NYAP2: variants seen among roughly 807,000 people sequenced by gnomAD.
NYAP2 encodes neuronal tyrosine-phosphorylated phosphoinositide-3-kinase adaptor 2, also known as neuronal tyrosine-phosphorylated phosphoinositide-3-kinase adapter 2.
Under a neutral mutation model 50.4 loss-of-function variants are expected in NYAP2, and 23 were observed. The ratio of observed to expected loss-of-function variants is 0.46; its 90% CI spans 0.33 to 0.65. The LOEUF (loss-of-function observed/expected upper bound fraction) is 0.65. NYAP2 is among the 30% of genes least tolerant of loss of function. The pLI is 0.02. For missense variants in NYAP2, 885 were observed against 861.0 expected (o/e 1.03, Z -0.35); for synonymous variants, 394 against 365.2 (o/e 1.08, Z -0.90).
chr2:225,513,720 A>G (rs773681531), intron 4 of NYAP2, 48 bp downstream of exon 4: 2 of 1,447,648 alleles, frequency 1.4e-6, no homozygotes, highest in South Asian at 3.1e-5. Flanking sequence ...TTCAGATAGT[A>G]TGTTCAGGTC....
chr2:225,436,546 T>A (rs1689380516), intron 3 of NYAP2, among the ~76,000 whole-genome samples: 1 of 152,136 alleles, frequency 6.6e-6, no homozygotes, highest in South Asian at 2.1e-4. Flanking sequence ...TCTTCTAGTA[T>A]GACCTTATTT....
chr2:225,432,792 C>T (rs2106134907), intron 3 of NYAP2, among the ~76,000 whole-genome samples: 1 of 152,264 alleles, frequency 6.6e-6, no homozygotes, highest in East Asian at 1.9e-4. Flanking sequence ...TAGGTTCTGA[C>T]TCCTTCATAT....
intron 3 of NYAP2, among the ~76,000 whole-genome samples, chr2:225,481,040 C>T (rs1393393428): frequency 6.6e-6 from 1 of 152,074 alleles, no homozygotes; most frequent in Admixed American, 6.6e-5. Context: ...GTTGACATCT[C>T]TTTGAAATTT....
chr2:225,477,378 A>T (rs1347831148), intron 3 of NYAP2, among the ~76,000 whole-genome samples: 2 of 151,694 alleles, frequency 1.3e-5, no homozygotes, highest in African/African-American at 4.8e-5. Flanking sequence ...CTGGGACTAC[A>T]GGTGCCCGCC....
intron 3 of NYAP2, among the ~76,000 whole-genome samples, chr2:225,460,496 A>T (rs1246022696): frequency 6.6e-6 from 1 of 152,096 alleles, no homozygotes; most frequent in Non-Finnish European, 1.5e-5. Context: ...TCTAATCTTG[A>T]TATTTCTCTT....
rs1300191868 is a variant in NYAP2, at chr2:225,400,928, T to A, written c.-133T>A. 6.6e-6 allele frequency: 1 copy of A among 152,606 alleles called. No individual in the cohort carries two copies. Among genetic ancestry groups the A allele is most frequent in the Admixed American group, 6.6e-5 (1 of 15,258 alleles). The allele number at this position is 152,606 out of a possible 1,614,324, so 9.5% of individuals were successfully genotyped here. ...AGCTGAACTACAAGTCTATTTCTTA[T>A]GGTGCTGGATTACTCCTACAGAACT... On this transcript the variant is annotated 5_prime_UTR_variant, in exon 2 of 7. The change abolishes an upstream ATG in the 5' untranslated region. Coordinates refer to ENST00000636099, the Ensembl canonical transcript of NYAP2.
intron 3 of NYAP2, among the ~76,000 whole-genome samples, chr2:225,489,619 T>G (rs1690369154): frequency 6.6e-6 from 1 of 152,194 alleles, no homozygotes; most frequent in Non-Finnish European, 1.5e-5. Context: ...AGGAAACAAG[T>G]ACCAGCTTTT....
chr2:225,431,830 G>A (rs1295453519), intron 3 of NYAP2, among the ~76,000 whole-genome samples: 1 of 152,212 alleles, frequency 6.6e-6, no homozygotes, highest in Non-Finnish European at 1.5e-5. Flanking sequence ...TTGAACATGG[G>A]AAGGGTTGAC....
At chr2:225,401,117 G>T (rs1045677136) in intron 2 of NYAP2, 74 bp downstream of exon 2, 1 of 152,468 alleles carries the variant, frequency 6.6e-6, no homozygotes, top group Non-Finnish European at 1.5e-5. Context: ...GCAATCTGGT[G>T]ATAAAATGGA....
At chr2:225,435,570 C>T (rs1016392805) in intron 3 of NYAP2, among the ~76,000 whole-genome samples, 1 of 152,166 alleles carries the variant, frequency 6.6e-6, no homozygotes, top group Non-Finnish European at 1.5e-5. Context: ...TTTAGTTTTC[C>T]TTGAGCAGAA....
intron 4 of NYAP2, among the ~76,000 whole-genome samples, chr2:225,526,516 A>G (rs1267602741): frequency 6.6e-6 from 1 of 152,234 alleles, no homozygotes; most frequent in South Asian, 2.1e-4. Context: ...ATAGCTGCTT[A>G]GCTTTTTCTG....
At chr2:225,458,866 A>G (rs1689780549) in intron 3 of NYAP2, among the ~76,000 whole-genome samples, 1 of 152,232 alleles carries the variant, frequency 6.6e-6, no homozygotes, top group South Asian at 2.1e-4. Flanking sequence ...ATTTAAATCC[A>G]TTTCCTCTTT....
At chr2:225,571,755 T>A (rs1692077405) in intron 4 of NYAP2, among the ~76,000 whole-genome samples, 2 of 152,204 alleles carry the variant, frequency 1.3e-5, no homozygotes, top group Non-Finnish European at 2.9e-5. Flanking sequence ...TTCCCCATTA[T>A]CTTGGTGATT....
intron 4 of NYAP2, among the ~76,000 whole-genome samples, chr2:225,550,752 C>T (rs1691659475): frequency 6.6e-6 from 1 of 152,042 alleles, no homozygotes; most frequent in South Asian, 2.1e-4. Context: ...GGAGGAAAGC[C>T]CCTGATAAGC....
At chr2:225,596,129 T>G (rs1692592497) in intron 5 of NYAP2, among the ~76,000 whole-genome samples, 1 of 152,186 alleles carries the variant, frequency 6.6e-6, no homozygotes, top group Admixed American at 6.5e-5. Flanking sequence ...ACTTCTGGCC[T>G]CAAGCAATCC....
chr2:225,581,271 A>T (rs894326243), intron 4 of NYAP2, among the ~76,000 whole-genome samples: 1 of 152,182 alleles, frequency 6.6e-6, no homozygotes, highest in South Asian at 2.1e-4. Flanking sequence ...TTGGAATATC[A>T]TAAGAGATCT....
intron 5 of NYAP2, among the ~76,000 whole-genome samples, chr2:225,600,464 AGG>A (rs887936349): frequency 2.0e-5 from 3 of 152,170 alleles, no homozygotes; most frequent in African/African-American, 7.2e-5. Flanking sequence ...CCAGGCAAAA[AGG>A]GGGTTTGTTT....
At chr2:225,598,317 G>A (rs367783287) in intron 5 of NYAP2, among the ~76,000 whole-genome samples, 2 of 152,092 alleles carry the variant, frequency 1.3e-5, no homozygotes, top group African/African-American at 4.8e-5. Flanking sequence ...TTTTAAAAAT[G>A]TCCTGGTTAC....
chr2:225,634,649 C>A (rs1359914306), intron 6 of NYAP2, among the ~76,000 whole-genome samples: 1 of 152,126 alleles, frequency 6.6e-6, no homozygotes, highest in African/African-American at 2.4e-5. Flanking sequence ...TGGTTGAGCA[C>A]CAAATGGTCA....
Sources: allele counts gnomAD v4.1 joint callset (sites outside exome capture counted in the v4.1 genomes callset), GRCh38; gene constraint gnomAD v4.1.1; transcripts MANE v1.5; gene names NCBI Gene and HGNC (gene_info 2026-07-23, HGNC 2026-07-21).